The following BICC1 variants were observed in gnomAD, a reference collection of about 807,000 sequenced individuals.
BICC1 encodes BicC family RNA binding protein 1.
Under a neutral mutation model 111.0 loss-of-function variants are expected in BICC1, and 43 were observed. The ratio of observed to expected loss-of-function variants is 0.39; its 90% CI spans 0.30 to 0.50. BICC1 has a LOEUF of 0.50. BICC1 is among the 20% of genes least tolerant of loss of function. The pLI, the probability that BICC1 is intolerant of heterozygous loss-of-function variation, is 0.88. For missense variants in BICC1, 1,091 were observed against 1,203.2 expected (o/e 0.91, Z 1.38); for synonymous variants, 467 against 434.4 (o/e 1.07, Z -0.93).
intron 2 of BICC1, among the ~76,000 whole-genome samples, chr10:58,658,193 T>C (rs1484723266): frequency 6.6e-6 from 1 of 152,188 alleles, no homozygotes; most frequent in Admixed American, 6.5e-5. Flanking sequence ...TTAACAGCTC[T>C]CTGCTTTTTT....
At chr10:58,611,346 C>CT (rs1845410929) in intron 1 of BICC1, among the ~76,000 whole-genome samples, 1 of 152,090 alleles carries the variant, frequency 6.6e-6, no homozygotes, top group South Asian at 2.1e-4. Context: ...TCCTTTCAGT[C>CT]TTTTTTCTAA....
At chr10:58,692,961 T>G (rs1839955679) in intron 2 of BICC1, among the ~76,000 whole-genome samples, 1 of 152,084 alleles carries the variant, frequency 6.6e-6, no homozygotes, top group African/African-American at 2.4e-5. Flanking sequence ...GCTGCACCCA[T>G]TAGCTCGTCA....
intron 1 of BICC1, among the ~76,000 whole-genome samples, chr10:58,615,572 C>T (rs1845576226): frequency 6.6e-6 from 1 of 152,154 alleles, no homozygotes; most frequent in Admixed American, 6.5e-5. Context: ...TGCCAAGAGA[C>T]AGAATAAAGC....
rs1259025193 is a variant in BICC1 at position 58,770,267 on chromosome 10, A to G, written c.308-14734A>G. ...GGTTTTAGAATTTCTATTGAGTCAT[A>G]ATATTCTAGTCTGACATTTTTTCTT... is the stretch of plus-strand genomic sequence containing the variant. On this transcript the variant is annotated intron_variant, in intron 3 of 20. Transcript: ENST00000373886. Among the ~76,000 whole-genome samples the G allele has an allele frequency of 3.3e-5, 5 of 152,228 alleles. No homozygotes were observed. The South Asian group carries it at 1.0e-3, about 32-fold the overall frequency.
At chr10:58,546,450 TG>T (rs746519761) in intron 1 of BICC1, among the ~76,000 whole-genome samples, 15 of 152,352 alleles carry the variant, frequency 9.8e-5, no homozygotes, top group Non-Finnish European at 2.2e-4. Context: ...CAATTTTTAT[TG>T]TGACAACTAG....
chr10:58,770,488 T>A (rs190500683), intron 3 of BICC1, among the ~76,000 whole-genome samples: 2 of 152,180 alleles, frequency 1.3e-5, no homozygotes, highest in East Asian at 1.9e-4. Context: ...TATAAAAAAA[T>A]TTCTCTACTA....
At chr10:58,555,454 A>C (rs757274768) in intron 1 of BICC1, among the ~76,000 whole-genome samples, 1 of 151,958 alleles carries the variant, frequency 6.6e-6, no homozygotes, top group Non-Finnish European at 1.5e-5. Flanking sequence ...AAAAACATCA[A>C]TATAAATAGG....
chr10:58,780,922 C>T (rs143181485), intron 3 of BICC1, among the ~76,000 whole-genome samples: 1,996 of 152,162 alleles, frequency 0.013, 25 homozygotes, highest in Non-Finnish European at 0.021. Flanking sequence ...TAAGTCCTTA[C>T]AGATATCCAT....
At chr10:58,711,497 T>A (rs188505818) in intron 3 of BICC1, among the ~76,000 whole-genome samples, 12 of 152,354 alleles carry the variant, frequency 7.9e-5, no homozygotes, top group African/African-American at 2.6e-4. Context: ...ATATGTATTT[T>A]CTCACACTCA....
Position 58,513,057 on chromosome 10 carries a change from G to A in BICC1, c.-87G>A. On this transcript the variant is annotated 5_prime_UTR_variant, in exon 1 of 21. Coordinates refer to ENST00000373886, the MANE Select transcript of BICC1 (RefSeq NM_001080512.3). ...GGACGAGCTAGCGCCGCGGCGCTGGGAGCCAGTTGAGCCCGGCCGGCGAGC... is the reference window on the plus strand; with the variant it reads ...GGACGAGCTAGCGCCGCGGCGCTGGAAGCCAGTTGAGCCCGGCCGGCGAGC... 1 of 1,073,048 alleles carries A rather than the reference G, an allele frequency of 9.3e-7. No individual in the cohort carries two copies. The highest frequency in any genetic ancestry group is 1.2e-6 in the Non-Finnish European group (1 of 842,008). The allele number at this position is 1,073,048 out of a possible 1,614,324, so 66.5% of individuals were successfully genotyped here.
At chr10:58,712,865 A>T (rs971817471) in intron 3 of BICC1, among the ~76,000 whole-genome samples, 1 of 152,188 alleles carries the variant, frequency 6.6e-6, no homozygotes, top group Non-Finnish European at 1.5e-5. Context: ...GTGCCTGCGT[A>T]TAGAAAGCAG....
At chr10:58,683,694 T>C (rs1839614766) in intron 2 of BICC1, among the ~76,000 whole-genome samples, 1 of 152,154 alleles carries the variant, frequency 6.6e-6, no homozygotes, top group African/African-American at 2.4e-5. Context: ...TATTGGTGTA[T>C]AGGAGTGCTT....
intron 1 of BICC1, among the ~76,000 whole-genome samples, chr10:58,541,983 C>T (rs1213768032): frequency 6.6e-6 from 1 of 151,646 alleles, no homozygotes. Flanking sequence ...AACCCTGTTT[C>T]TACAAAAAAT....
At chr10:58,800,745 TG>T (rs1177932538) in intron 13 of BICC1, 144 bp from the exon 14 acceptor site, 1 of 760,708 alleles carries the variant, frequency 1.3e-6, no homozygotes, top group African/African-American at 1.8e-5. Context: ...CTTGTTAAGG[TG>T]TTTCTTTGCA....
chr10:58,705,825 T>A (rs2132463973), intron 3 of BICC1, among the ~76,000 whole-genome samples: 1 of 152,332 alleles, frequency 6.6e-6, no homozygotes, highest in East Asian at 1.9e-4. Flanking sequence ...ACCCAATTGG[T>A]AATTTTTCAA....
chr10:58,603,718 T>C (rs1203368266), intron 1 of BICC1, among the ~76,000 whole-genome samples: 1 of 152,150 alleles, frequency 6.6e-6, no homozygotes, highest in Non-Finnish European at 1.5e-5. Flanking sequence ...TTATATAGAA[T>C]GTACATTGAT....
chr10:58,725,912 G>T (rs1841089341), intron 3 of BICC1, among the ~76,000 whole-genome samples: 2 of 152,170 alleles, frequency 1.3e-5, no homozygotes, highest in Admixed American at 1.3e-4. Context: ...TAACAGCTTT[G>T]TGGGGAATGG....
intron 15 of BICC1, 74 bp from the exon 16 acceptor site, chr10:58,806,510 G>T (rs1843713259): frequency 1.5e-6 from 2 of 1,354,986 alleles, no homozygotes; most frequent in Admixed American, 1.7e-5. Context: ...CAAAACCTTT[G>T]TTCTCTAACC....
At chr10:58,705,103 A>G (rs146448008) in intron 3 of BICC1, among the ~76,000 whole-genome samples, 247 of 152,358 alleles carry the variant, frequency 1.6e-3, no homozygotes, top group Non-Finnish European at 2.6e-3. Context: ...TGAATTTGCC[A>G]TCAGTTAGAG....
Sources: allele counts gnomAD v4.1 joint callset (sites outside exome capture counted in the v4.1 genomes callset), GRCh38; gene constraint gnomAD v4.1.1; transcripts MANE v1.5; gene names NCBI Gene and HGNC (gene_info 2026-07-23, HGNC 2026-07-21).